Variants in FHL2 observed in about 807,000 individuals in gnomAD.
The protein encoded by FHL2 is four and a half LIM domains protein 2.
In FHL2, 20 loss-of-function variants were observed where a neutral mutation model predicts 32.7. The observed-to-expected ratio is 0.61, with a 90% confidence interval of 0.43 to 0.89. FHL2 has a LOEUF of 0.89. Ranked by LOEUF, FHL2 falls within the 40% of genes least tolerant of loss-of-function variation. The pLI, the probability that FHL2 is intolerant of heterozygous loss-of-function variation, is 0.00. For synonymous variants in FHL2, 123 were observed against 128.1 expected (o/e 0.96, Z 0.27); for missense variants, 311 against 358.6 (o/e 0.87, Z 1.07).
intron 1 of FHL2, chr2:105,396,899 C>T (rs1486146153): frequency 5.3e-6 from 3 of 567,708 alleles, no homozygotes; most frequent in Admixed American, 6.6e-5. Flanking sequence ...AGTCAGAGAG[C>T]CGCTTAGCGA....
In FHL2 at chr2:105,410,206, C is replaced by T. The variant is rs930296543; in HGVS notation, c.-24-23666G>A. Among the ~76,000 whole-genome samples, 22 of 152,238 alleles carry T rather than the reference C, an allele frequency of 1.4e-4. 1 individual carries two copies. Among genetic ancestry groups the T allele is most frequent in the Admixed American group, 3.9e-4 (6 of 15,284 alleles). On this transcript the variant is annotated intron_variant, in intron 1 of 5. Transcript: ENST00000393352. ...GACAGCTTTGTCCCCCAAAAGGAAT[C>T]AGGCGGAGGCCGGAGAGGCAGCTTG...
chr2:105,415,547 A>G (rs1190035162), intron 1 of FHL2, among the ~76,000 whole-genome samples: 1 of 152,262 alleles, frequency 6.6e-6, no homozygotes, highest in African/African-American at 2.4e-5. Context: ...TCTTTAAACA[A>G]TTAAATTCAA....
At chr2:105,429,877 G>A (rs927715461) in intron 1 of FHL2, among the ~76,000 whole-genome samples, 2 of 152,136 alleles carry the variant, frequency 1.3e-5, no homozygotes, top group Non-Finnish European at 2.9e-5. Context: ...TACTTTCTGT[G>A]ATACAACGTG....
intron 2 of FHL2, chr2:105,389,799 A>G (rs1195201076): frequency 6.6e-6 from 1 of 152,238 alleles, no homozygotes; most frequent in African/African-American, 2.4e-5. Context: ...GCAGAGCTCC[A>G]TTTATGTTGG....
downstream of FHL2, chr2:105,358,051 CTCT>C (rs779974109): frequency 3.9e-5 from 6 of 152,286 alleles, no homozygotes; most frequent in East Asian, 9.6e-4. Flanking sequence ...TCCAGGAGGG[CTCT>C]TCTTGGCTAT....
intron 1 of FHL2, among the ~76,000 whole-genome samples, chr2:105,412,957 A>G (rs1220015364): frequency 6.6e-6 from 1 of 152,184 alleles, no homozygotes; most frequent in Non-Finnish European, 1.5e-5. Flanking sequence ...TCTGATGGGA[A>G]AAAAAGGAAG....
At chr2:105,424,816 A>G (rs1684208456) in intron 1 of FHL2, among the ~76,000 whole-genome samples, 1 of 152,220 alleles carries the variant, frequency 6.6e-6, no homozygotes, top group Admixed American at 6.5e-5. Flanking sequence ...GTGGGAGTTG[A>G]ACAATGAGAA....
chr2:105,397,881 G>GTTTTTTTTTTTT (rs749684273), intron 1 of FHL2, among the ~76,000 whole-genome samples: 2 of 116,300 alleles, frequency 1.7e-5, no homozygotes, highest in African/African-American at 3.1e-5. Context: ...TTGTTTTTTT[G>GTTTTTTTTTTTT]TTTTTTGTTT....
At chr2:105,375,092 C>T (rs1333497133) in intron 3 of FHL2, among the ~76,000 whole-genome samples, 2 of 152,104 alleles carry the variant, frequency 1.3e-5, no homozygotes, top group East Asian at 1.9e-4. Context: ...CCAGCTAACT[C>T]GGAACCAAAA....
At chr2:105,437,364 C>CT (rs1335365105) in intron 1 of FHL2, among the ~76,000 whole-genome samples, 3 of 152,032 alleles carry the variant, frequency 2.0e-5, no homozygotes, top group Non-Finnish European at 4.4e-5. Context: ...TATGTATGTA[C>CT]TGATACACAT....
intron 3 of FHL2, chr2:105,378,105 C>T (rs1293673801): frequency 2.1e-6 from 1 of 466,430 alleles, no homozygotes; most frequent in Non-Finnish European, 4.5e-6. Flanking sequence ...GAGGAAAGAG[C>T]ACATCAGCAT....
At chr2:105,435,250 G>A (rs1684571709) in intron 1 of FHL2, among the ~76,000 whole-genome samples, 1 of 151,944 alleles carries the variant, frequency 6.6e-6, no homozygotes, top group Non-Finnish European at 1.5e-5. Flanking sequence ...TTGAGCTATT[G>A]CACTGTTTAT....
chr2:105,374,427 CT>C, intron 3 of FHL2: 1 of 154,072 alleles, frequency 6.5e-6, no homozygotes, highest in Non-Finnish European at 1.4e-5. Context: ...GCCTTTTTGC[CT>C]TTTATGTCTG....
At chr2:105,403,755 G>T (rs1306989782), upstream of FHL2, among the ~76,000 whole-genome samples, 1 of 152,122 alleles carries the variant, frequency 6.6e-6, no homozygotes, top group Non-Finnish European at 1.5e-5. Flanking sequence ...CGTGGGGGAG[G>T]GACAGGGAAA....
chr2:105,434,354 C>T (rs1051603883), intron 1 of FHL2, among the ~76,000 whole-genome samples: 4 of 152,174 alleles, frequency 2.6e-5, no homozygotes, highest in African/African-American at 9.6e-5. Flanking sequence ...GGCGGATCGC[C>T]TGAGGTCAGG....
chr2:105,367,464 C>T, intron 5 of FHL2, 106 bp downstream of exon 5: 1 of 1,201,340 alleles, frequency 8.3e-7, no homozygotes, highest in Non-Finnish European at 1.2e-6. Context: ...TCCCACGCCA[C>T]TTAAGTATCA....
intron 2 of FHL2, among the ~76,000 whole-genome samples, chr2:105,391,913 C>A (rs898481431): frequency 1.5e-4 from 23 of 152,186 alleles, no homozygotes; most frequent in African/African-American, 5.3e-4. Context: ...AAGGCGCAAC[C>A]CCTCCTTTTT....
chr2:105,381,962 A>T (rs1243750799), intron 3 of FHL2, among the ~76,000 whole-genome samples: 2 of 152,110 alleles, frequency 1.3e-5, no homozygotes, highest in Non-Finnish European at 2.9e-5. Context: ...ACCTGACCTT[A>T]CACCTTTCAC....
At chr2:105,384,968 GAA>G (rs1186563517) in intron 3 of FHL2, among the ~76,000 whole-genome samples, 5 of 152,344 alleles carry the variant, frequency 3.3e-5, no homozygotes, top group African/African-American at 1.2e-4. Context: ...AAGGGACAGA[GAA>G]AAGTCGTCAG....
Sources: gnomAD v4.1 joint callset for allele counts (sites outside exome capture counted in the v4.1 genomes callset) on GRCh38, gnomAD v4.1.1 for gene constraint, MANE v1.5 for transcripts, NCBI Gene and HGNC (gene_info 2026-07-23, HGNC 2026-07-21) for gene names.